GRID1: variants seen among roughly 807,000 people sequenced by gnomAD.
GRID1 encodes the protein glutamate ionotropic receptor delta type subunit 1.
A neutral mutation model predicts 98.0 loss-of-function variants in GRID1; 28 were observed. The ratio of observed to expected loss-of-function variants is 0.29; its 90% CI spans 0.21 to 0.39. The LOEUF is 0.39. GRID1 is among the 10% of genes least tolerant of loss of function. GRID1 has a pLI of 1.00. For missense variants in GRID1, 1,111 were observed against 1,340.5 expected (o/e 0.83, Z 2.67); for synonymous variants, 553 against 538.5 (o/e 1.03, Z -0.37).
intron 4 of GRID1, among the ~76,000 whole-genome samples, chr10:85,977,343 G>A (rs1292952314): frequency 2.0e-5 from 3 of 152,132 alleles, no homozygotes; most frequent in Admixed American, 6.6e-5. Context: ...TGAGAAGTGA[G>A]GGGAACAGGT....
intron 2 of GRID1, among the ~76,000 whole-genome samples, chr10:86,310,009 G>A (rs776454338): frequency 3.3e-5 from 5 of 152,106 alleles, no homozygotes; most frequent in Admixed American, 6.5e-5. Context: ...TGTCCAAGCC[G>A]GCTGGCCTGA....
In GRID1 at chr10:86,097,311, C is replaced by T. The variant is rs543223250; in HGVS notation, c.726+41508G>A. Among the ~76,000 whole-genome samples, 28 of 152,274 alleles carry T rather than the reference C, an allele frequency of 1.8e-4. No individual in the cohort carries two copies. The South Asian group carries it at 4.8e-3, about 26-fold the overall frequency. ...TTTATTAGGGGATTAACAAATATAT[C>T]GAAAACTGCTAAAACTTCAGTTGTA... On this transcript the variant is annotated intron_variant, in intron 4 of 15. Transcript: ENST00000327946.
chr10:86,058,182 C>A (rs147423697), intron 4 of GRID1, among the ~76,000 whole-genome samples: 38 of 152,194 alleles, frequency 2.5e-4, no homozygotes, highest in African/African-American at 8.9e-4. Context: ...CCTTCCTCCC[C>A]CAGCCCTCCT....
intron 8 of GRID1, among the ~76,000 whole-genome samples, chr10:85,793,050 C>T (rs572424699): frequency 6.6e-6 from 1 of 152,316 alleles, no homozygotes; most frequent in South Asian, 2.1e-4. Context: ...CTGGCAAGTG[C>T]CACATATTAG....
At chr10:85,811,432 TATAA>T (rs1362930988) in intron 8 of GRID1, among the ~76,000 whole-genome samples, 1 of 152,084 alleles carries the variant, frequency 6.6e-6, no homozygotes, top group African/African-American at 2.4e-5. Context: ...TACAAGATAA[TATAA>T]ATAAACGATT....
Position 85,972,159 on chromosome 10 carries a change from T to TC in GRID1, c.727-55921_727-55920insG, listed in dbSNP as rs35308664. 8.9e-4 allele frequency among the ~76,000 whole-genome samples: 97 copies of TC among 108,878 alleles called. No individual in the cohort carries two copies. In the South Asian group the frequency reaches 0.02, roughly 22 times the overall value. 71.4% of individuals were successfully genotyped at this position (108,878 alleles called of 152,430 possible). The stretch of plus-strand genomic sequence containing the variant: ...TTCAAGGTTTTCCTGACCATTTTTC[T>TC]TTTTTTTTTTTAACTGACCCATAAT... On this transcript the variant is annotated intron_variant, in intron 4 of 15. Coordinates refer to ENST00000327946, the MANE Select transcript of GRID1 (RefSeq NM_017551.3).
chr10:85,687,162 C>T (rs1841278716), intron 12 of GRID1, among the ~76,000 whole-genome samples: 1 of 151,962 alleles, frequency 6.6e-6, no homozygotes, highest in African/African-American at 2.4e-5. Flanking sequence ...AATTTAGGAA[C>T]CAATATTTCT....
At chr10:86,172,532 T>C (rs1468866265) in intron 3 of GRID1, among the ~76,000 whole-genome samples, 1 of 152,232 alleles carries the variant, frequency 6.6e-6, no homozygotes, top group Admixed American at 6.5e-5. Flanking sequence ...CACCGCAAAG[T>C]ACTGCCCTAC....
intron 8 of GRID1, among the ~76,000 whole-genome samples, chr10:85,745,789 A>T (rs1841991002): frequency 6.6e-6 from 1 of 152,118 alleles, no homozygotes. Context: ...TGGGTTAGAG[A>T]CAATGCAGAA....
intron 5 of GRID1, among the ~76,000 whole-genome samples, chr10:85,892,542 T>C (rs530390265): frequency 1.3e-5 from 2 of 149,956 alleles, no homozygotes; most frequent in African/African-American, 2.4e-5. Context: ...CTTTTAAGTA[T>C]GAAAAGAAAA....
At chr10:85,828,382 GAGAAA>G (rs142777933) in intron 8 of GRID1, among the ~76,000 whole-genome samples, 10,795 of 151,832 alleles carry the variant, frequency 0.071, 399 homozygotes, top group Non-Finnish European at 0.081. Context: ...CTAGAGAAAT[GAGAAA>G]AGAAAAGAGA....
rs541824080 is a variant in GRID1, at chr10:86,039,987, T to C, written c.726+98832A>G. ...TCTCCCCCTGTGGATCAGAAGCCCC[T>C]GGAGGAGAGGTCTGAGTCTTTTCTC... On this transcript the variant is annotated intron_variant, in intron 4 of 15. Transcript: ENST00000327946. 2.0e-4 allele frequency among the ~76,000 whole-genome samples: 30 copies of C among 152,214 alleles called. No homozygotes were observed. In the South Asian group the frequency reaches 5.6e-3, roughly 28 times the overall value.
intron 4 of GRID1, among the ~76,000 whole-genome samples, chr10:86,010,050 AAC>A (rs1173798881): frequency 1.5e-5 from 2 of 132,608 alleles, no homozygotes; most frequent in Non-Finnish European, 3.5e-5. Context: ...ATAGCCAGGC[AAC>A]TCTCAAACAC....
intron 4 of GRID1, among the ~76,000 whole-genome samples, chr10:85,980,235 A>T (rs1842528160): frequency 6.6e-6 from 1 of 152,106 alleles, no homozygotes; most frequent in Non-Finnish European, 1.5e-5. Flanking sequence ...CTCCTGTGCC[A>T]CCCACAGCCC....
At chr10:85,992,585 G>A (rs1229509975) in intron 4 of GRID1, among the ~76,000 whole-genome samples, 2 of 149,354 alleles carry the variant, frequency 1.3e-5, no homozygotes, top group Admixed American at 1.3e-4. Context: ...TAACAGAGGG[G>A]ACAGAGCTGG....
intron 12 of GRID1, among the ~76,000 whole-genome samples, chr10:85,666,278 C>T (rs369473790): frequency 7.9e-5 from 12 of 152,192 alleles, no homozygotes; most frequent in African/African-American, 2.9e-4. Flanking sequence ...ACTAAAACCA[C>T]ACCCCTACAC....
intron 2 of GRID1, among the ~76,000 whole-genome samples, chr10:86,245,354 C>T (rs1204713028): frequency 6.6e-6 from 1 of 152,224 alleles, no homozygotes; most frequent in East Asian, 1.9e-4. Flanking sequence ...ACCCCTCAGA[C>T]AGTCACCCAT....
intron 4 of GRID1, among the ~76,000 whole-genome samples, chr10:86,114,399 G>C (rs1373073521): frequency 2.0e-5 from 3 of 152,164 alleles, no homozygotes; most frequent in African/African-American, 2.4e-5. Context: ...CCCTCTAACT[G>C]TTCCTCTGCC....
chr10:85,742,345 T>C (rs1464164115), intron 8 of GRID1, among the ~76,000 whole-genome samples: 1 of 152,188 alleles, frequency 6.6e-6, no homozygotes, highest in Non-Finnish European at 1.5e-5. Flanking sequence ...GTAGTGGAGT[T>C]GGGTTCTAGT....
Sources: allele counts gnomAD v4.1 joint callset (sites outside exome capture counted in the v4.1 genomes callset), GRCh38; gene constraint gnomAD v4.1.1; transcripts MANE v1.5; gene names NCBI Gene and HGNC (gene_info 2026-07-23, HGNC 2026-07-21).